FBXO11: variants seen among roughly 807,000 people sequenced by gnomAD.
FBXO11 encodes the protein F-box only protein 11.
Under a neutral mutation model 117.0 loss-of-function variants are expected in FBXO11, and 13 were observed. The observed-to-expected ratio is 0.11, with a 90% CI of 0.07 to 0.18. The LOEUF (loss-of-function observed/expected upper bound fraction) is 0.18, where lower values mean the gene tolerates loss of function less well. Ranked by LOEUF, FBXO11 falls within the 10% of genes least tolerant of loss-of-function variation. The pLI is 1.00. For missense variants in FBXO11, 767 were observed against 1,164.4 expected, an observed-to-expected ratio of 0.66 and a Z score of 4.97; for synonymous variants, 490 against 380.5, an observed-to-expected ratio of 1.29 and a Z score of -3.35.
At chr2:47,860,657 T>G (rs542955329) in intron 1 of FBXO11, among the ~76,000 whole-genome samples, 2 of 151,586 alleles carry the variant, frequency 1.3e-5, no homozygotes, top group African/African-American at 4.8e-5. Flanking sequence ...TCCACCTGCC[T>G]CGGCCTCCCA....
intron 4 of FBXO11, 37 bp downstream of exon 4, chr2:47,838,822 C>A (rs762426539): frequency 6.3e-7 from 1 of 1,584,586 alleles, no homozygotes; most frequent in Non-Finnish European, 8.6e-7. Flanking sequence ...CAACAAATAA[C>A]ATATCTCAAG....
At chr2:47,858,397 A>T (rs139615040) in intron 1 of FBXO11, among the ~76,000 whole-genome samples, 131 of 148,892 alleles carry the variant, frequency 8.8e-4, no homozygotes, top group Non-Finnish European at 1.4e-3. Context: ...AAAACATAAT[A>T]CAGGCCAGGC....
Position 47,905,538 on chromosome 2 carries a change from T to TGGCGGCGGC in FBXO11, c.174_182dup (p.Pro64_Pro66dup), listed in dbSNP as rs923188952. Reference sequence around the variant, plus strand: ...CCTGAGGCAGCGGCGGAGGCGGCGGTGGCGGCGGCGGAGGCTGCTGCTGCT... The same window carrying TGGCGGCGGC: ...CCTGAGGCAGCGGCGGAGGCGGCGGTGGCGGCGGCGGCGGCGGCGGAGGCTGCTGCTGCT... On this transcript the variant is annotated inframe_insertion, in exon 1 of 23. Coordinates refer to ENST00000403359, the MANE Select transcript of FBXO11 (RefSeq NM_001190274.2). The TGGCGGCGGC allele has an allele frequency of 2.3e-5, 28 of 1,234,920 alleles. No homozygotes were observed. The highest frequency in any genetic ancestry group is 1.7e-4 in the African/African-American group (11 of 62,994). The allele number at this position is 1,234,920 out of a possible 1,614,324, so 76.5% of individuals were successfully genotyped here.
At chr2:47,833,144 C>A in intron 7 of FBXO11, 74 bp from the exon 8 acceptor site, 1 of 972,026 alleles carries the variant, frequency 1.0e-6, no homozygotes. Context: ...GGAGGGGGAA[C>A]TTACTAAAAA....
intron 1 of FBXO11, among the ~76,000 whole-genome samples, chr2:47,879,076 T>A (rs995503608): frequency 1.3e-4 from 20 of 152,196 alleles, no homozygotes; most frequent in African/African-American, 4.8e-4. Flanking sequence ...CCTTTCCAAG[T>A]TTGTGAGTGT....
chr2:47,855,865 C>T (rs983005301), intron 1 of FBXO11, among the ~76,000 whole-genome samples: 2 of 151,786 alleles, frequency 1.3e-5, no homozygotes, highest in African/African-American at 4.8e-5. Flanking sequence ...GGAATGTTGC[C>T]TGGTGAAGCA....
chr2:47,854,121 G>A (rs1376447411), intron 1 of FBXO11, among the ~76,000 whole-genome samples: 2 of 152,162 alleles, frequency 1.3e-5, no homozygotes, highest in Non-Finnish European at 2.9e-5. Context: ...ATAAAAGTAT[G>A]TTCACTTAGA....
intron 1 of FBXO11, 135 bp downstream of exon 1, chr2:47,905,354 C>A: frequency 2.1e-6 from 2 of 936,258 alleles, no homozygotes; most frequent in Admixed American, 4.9e-5. Flanking sequence ...ACCGGGGGAC[C>A]CGCCTCCGCT....
rs1045846845 is a variant in FBXO11, at chr2:47,888,008, C to A, written c.232+17481G>T. 1.2e-4 allele frequency among the ~76,000 whole-genome samples: 18 copies of A among 151,540 alleles called. No individual in the cohort carries two copies. In the East Asian group the frequency reaches 3.1e-3, roughly 26 times the overall value. On this transcript the variant is annotated intron_variant, in intron 1 of 22. Transcript: ENST00000403359. ...GTTCCTGCTGGGTGAGAGAGTGAAA[C>A]CTTGTCTGAAAAAAAAAATCCCTAA...
At chr2:47,852,215 C>G (rs1673925333) in intron 1 of FBXO11, among the ~76,000 whole-genome samples, 1 of 152,062 alleles carries the variant, frequency 6.6e-6, no homozygotes, top group Non-Finnish European at 1.5e-5. Context: ...GTCTCGAACT[C>G]CTGACCTAAG....
intron 1 of FBXO11, among the ~76,000 whole-genome samples, chr2:47,862,051 T>C (rs1240789453): frequency 6.6e-6 from 1 of 152,136 alleles, no homozygotes; most frequent in African/African-American, 2.4e-5. Context: ...TGGCTGGGAT[T>C]ACGGGCGCAC....
At chr2:47,851,610 G>A (rs1311398022) in intron 1 of FBXO11, among the ~76,000 whole-genome samples, 7 of 152,136 alleles carry the variant, frequency 4.6e-5, no homozygotes, top group African/African-American at 1.4e-4. Context: ...AGTGAGATAT[G>A]TAAACAAATA....
intron 14 of FBXO11, among the ~76,000 whole-genome samples, 189 bp downstream of exon 14, chr2:47,820,173 A>G (rs1249457988): frequency 6.6e-6 from 1 of 152,230 alleles, no homozygotes; most frequent in South Asian, 2.1e-4. Flanking sequence ...TTAAACACAA[A>G]CTTAAAATCA....
intron 1 of FBXO11, among the ~76,000 whole-genome samples, chr2:47,898,664 G>C (rs1347236990): frequency 6.6e-6 from 1 of 152,138 alleles, no homozygotes; most frequent in African/African-American, 2.4e-5. Flanking sequence ...ATTATAATCA[G>C]AAGATTACTT....
chr2:47,839,753 T>C lies in FBXO11; in HGVS notation c.249A>G (p.Ala83=). Residue 83 remains alanine, a synonymous_variant, in exon 2 of 23, where the codon GCA becomes GCG. Coordinates refer to ENST00000403359, the MANE Select transcript of FBXO11 (RefSeq NM_001190274.2). The part of the protein sequence containing the change: ...NVGERDDDVP[A]DMVAEESGPG... ...GACCTGATTCTTCTGCAACCATATC[T>C]GCAGGCACATCATCATCTGTTATAA... The C allele has an allele frequency of 6.2e-7, 1 of 1,613,388 alleles. No individual in the cohort carries two copies. Among genetic ancestry groups the C allele is most frequent in the Non-Finnish European group, 8.5e-7 (1 of 1,179,810 alleles).
intron 1 of FBXO11, among the ~76,000 whole-genome samples, chr2:47,900,649 C>CGT (rs1678088780): frequency 1.2e-5 from 1 of 83,006 alleles, no homozygotes; most frequent in Non-Finnish European, 3.0e-5. Context: ...CGTATATACA[C>CGT]ACGTATACAC....
At chr2:47,867,641 G>C (rs1279974308) in intron 1 of FBXO11, among the ~76,000 whole-genome samples, 1 of 152,182 alleles carries the variant, frequency 6.6e-6, no homozygotes, top group Non-Finnish European at 1.5e-5. Flanking sequence ...GATCACTTAA[G>C]AACATCAGGA....
At position 47,837,946 on chromosome 2, in the gene FBXO11, C is replaced by T. The variant is rs1275849287; in HGVS notation, c.587+913G>A. On this transcript the variant is annotated intron_variant, in intron 4 of 22. Coordinates refer to ENST00000403359, the MANE Select transcript of FBXO11 (RefSeq NM_001190274.2). The stretch of plus-strand genomic sequence containing the variant: ...TTTTTCATCTTATTAAAAACCTGGG[C>T]TGGGTGCAATGGCTCATGCCTATAA... Among the ~76,000 whole-genome samples the T allele has an allele frequency of 3.3e-5, 5 of 151,580 alleles. No homozygotes were observed. In the East Asian group the frequency reaches 7.8e-4, roughly 24 times the overall value.
chr2:47,840,653 T>A (rs925282820), intron 1 of FBXO11, among the ~76,000 whole-genome samples: 1 of 151,582 alleles, frequency 6.6e-6, no homozygotes, highest in African/African-American at 2.4e-5. Flanking sequence ...GGGGTCTCAC[T>A]ATATTGCCCA....
Sources: gnomAD v4.1 joint callset for allele counts (sites outside exome capture counted in the v4.1 genomes callset) on GRCh38, gnomAD v4.1.1 for gene constraint, MANE v1.5 for transcripts, NCBI Gene and HGNC (gene_info 2026-07-23, HGNC 2026-07-21) for gene names.